Variants in FSAF1 observed in about 807,000 individuals in gnomAD.
The protein encoded by FSAF1 is uncharacterized protein C1orf131.
At chr1:231,239,160 C>A in the FSAF1 span, 3 of 1,585,906 alleles carry the variant, frequency 1.9e-6, no homozygotes, top group South Asian at 3.4e-5. Context: ...TTATGATCTT[C>A]TTCTGTTCTG....
the FSAF1 span, chr1:231,226,965 C>T: frequency 6.2e-7 from 1 of 1,613,760 alleles, no homozygotes; most frequent in Non-Finnish European, 8.5e-7. Context: ...GTAGCAGCAG[C>T]CCCTCACCTT....
chr1:231,224,234 A>G, the FSAF1 span: 1 of 1,580,728 alleles, frequency 6.3e-7, no homozygotes, highest in South Asian at 1.2e-5. Context: ...GGGCCGCTGC[A>G]GTTGACTCAG....
the FSAF1 span, among the ~76,000 whole-genome samples, chr1:231,234,864 C>T: frequency 6.6e-6 from 1 of 152,184 alleles, no homozygotes; most frequent in African/African-American, 2.4e-5. The surrounding 1 kb of genome is among the most constrained non-coding windows in gnomAD (Gnocchi z 4.0). Flanking sequence ...TGTTTTCTCC[C>T]TCCTTGGCTC....
At chr1:231,225,324 T>C in the FSAF1 span, 5 of 725,870 alleles carry the variant, frequency 6.9e-6, no homozygotes, top group Admixed American at 1.3e-4. Flanking sequence ...GGCAGTTTAC[T>C]AAATCCTACT....
the FSAF1 span, among the ~76,000 whole-genome samples, chr1:231,229,551 G>A: frequency 5.3e-5 from 8 of 152,156 alleles, no homozygotes; most frequent in African/African-American, 1.7e-4. Flanking sequence ...GTACACCTAC[G>A]TTCATAGCAG....
the FSAF1 span, among the ~76,000 whole-genome samples, chr1:231,235,442 A>T: frequency 2.0e-5 from 3 of 151,732 alleles, no homozygotes; most frequent in Non-Finnish European, 4.4e-5. Flanking sequence ...GGTTGTAGTG[A>T]GCTGAGATCA....
chr1:231,230,726 A>T, the FSAF1 span, among the ~76,000 whole-genome samples: 3 of 152,170 alleles, frequency 2.0e-5, no homozygotes, highest in Non-Finnish European at 2.9e-5. Flanking sequence ...GTGGGTTCAG[A>T]CAGTCAGTCA....
chr1:231,237,487 G>C, the FSAF1 span: 1,411 of 152,350 alleles, frequency 9.3e-3, 22 homozygotes, highest in African/African-American at 0.032. Flanking sequence ...CTAAAGCAAA[G>C]AGGAAGGCAG....
chr1:231,239,015 G>A, the FSAF1 span: 8 of 1,614,036 alleles, frequency 5.0e-6, no homozygotes, highest in East Asian at 4.5e-5. Context: ...GCACAATGCC[G>A]CTCTTCTCTA....
At chr1:231,232,899 G>A in the FSAF1 span, among the ~76,000 whole-genome samples, 3 of 152,112 alleles carry the variant, frequency 2.0e-5, no homozygotes, top group East Asian at 1.9e-4. Flanking sequence ...AGAGTAGCCC[G>A]GTAAACAAAT....
chr1:231,226,380 C>T, the FSAF1 span: 299 of 290,910 alleles, frequency 1.0e-3, no homozygotes, highest in Non-Finnish European at 1.6e-3. Flanking sequence ...GAAGCAGCTT[C>T]AGATGCTCAC....
chr1:231,229,198 A>G, the FSAF1 span: 19 of 1,581,282 alleles, frequency 1.2e-5, no homozygotes, highest in Admixed American at 3.2e-4. Context: ...CCAAAACACT[A>G]GGATTAGCCT....
chr1:231,224,095 G>A, the FSAF1 span: 12 of 647,808 alleles, frequency 1.9e-5, no homozygotes, highest in East Asian at 1.2e-4. Flanking sequence ...GGCCTGACAC[G>A]TTCAGCACCA....
At chr1:231,224,149 C>T in the FSAF1 span, 1 of 1,130,570 alleles carries the variant, frequency 8.8e-7, no homozygotes, top group Non-Finnish European at 1.2e-6. Context: ...TTCTGTTTGA[C>T]TTTTTTTCTA....
At chr1:231,226,805 C>T in the FSAF1 span, 1 of 1,609,190 alleles carries the variant, frequency 6.2e-7, no homozygotes. Flanking sequence ...CCTTGTAATT[C>T]ACATAACTCT....
chr1:231,225,659 C>G, the FSAF1 span: 1 of 803,728 alleles, frequency 1.2e-6, no homozygotes, highest in Non-Finnish European at 2.1e-6. Context: ...TTAAACATAA[C>G]AGTCTCAAAG....
chr1:231,239,121 CA>C, the FSAF1 span: 11 of 1,611,432 alleles, frequency 6.8e-6, no homozygotes, highest in Non-Finnish European at 9.3e-6. Context: ...CTGAAGCCAT[CA>C]CATCTCTCTT....
chr1:231,236,024 T>A, the FSAF1 span, among the ~76,000 whole-genome samples: 1 of 152,204 alleles, frequency 6.6e-6, no homozygotes, highest in East Asian at 1.9e-4. Flanking sequence ...GCTGATGCTA[T>A]GATTGGTCAT....
chr1:231,238,988 T>C, the FSAF1 span: 1 of 1,614,162 alleles, frequency 6.2e-7, no homozygotes, highest in Non-Finnish European at 8.5e-7. Context: ...TCTGGTCCTG[T>C]GGGGGTCCCA....
Sources: gnomAD v4.1 joint callset for allele counts (sites outside exome capture counted in the v4.1 genomes callset) on GRCh38, gnomAD v4.1.1 for gene constraint, Gnocchi (gnomAD v3.1) non-coding constraint, MANE v1.5 for transcripts, NCBI Gene and HGNC (gene_info 2026-07-23, HGNC 2026-07-21) for gene names.